GLI2: variants seen among roughly 807,000 people sequenced by gnomAD.
The protein encoded by GLI2 is GLI family zinc finger 2, also known as transcription activator GLI2.
A neutral mutation model predicts 78.9 loss-of-function variants in GLI2; 22 were observed. That is an observed-to-expected ratio of 0.28 (90% CI 0.20 to 0.40). The LOEUF is 0.40. Ranked by LOEUF, GLI2 falls within the 10% of genes least tolerant of loss-of-function variation. The pLI, the probability that GLI2 is intolerant of heterozygous loss-of-function variation, is 1.00. For missense variants in GLI2, 2,097 were observed against 2,213.2 expected (o/e 0.95, Z 1.05); for synonymous variants, 974 against 963.7 (o/e 1.01, Z -0.20).
At chr2:120,823,002 C>T (rs1685853771) in intron 2 of GLI2, among the ~76,000 whole-genome samples, 1 of 152,148 alleles carries the variant, frequency 6.6e-6, no homozygotes, top group South Asian at 2.1e-4. Context: ...GAGGAGACAC[C>T]TGGACAGGTG....
intron 1 of GLI2, 31 bp from the exon 2 acceptor site, chr2:120,797,260 T>C: frequency 6.4e-7 from 1 of 1,573,494 alleles, no homozygotes; most frequent in Non-Finnish European, 8.7e-7. Flanking sequence ...TTGGGCTCAG[T>C]GTTGGTGAGT....
Position 120,986,541 on chromosome 2 carries a change from C to G in GLI2, c.2169C>G (p.Leu723=). 6.2e-7 allele frequency: 1 copy of G among 1,614,158 alleles called. No homozygotes were observed. Residue 723 remains leucine (L), a synonymous_variant, in exon 13 of 14, where the codon CTC becomes CTG. Transcript: ENST00000361492. ...TCAAGAAGGAGAAGCTCAAGTCACT[C>G]AAGGATTCCTGCTCATGGGCCGGGC... The part of the protein sequence containing the change: ...EQLKKEKLKS[L]KDSCSWAGPT...
intron 2 of GLI2, among the ~76,000 whole-genome samples, chr2:120,846,140 G>C (rs1000382226): frequency 2.6e-5 from 4 of 152,166 alleles, no homozygotes; most frequent in African/African-American, 9.7e-5. Flanking sequence ...TCCCCCGTCA[G>C]TCATTCTGGT....
chr2:120,910,571 G>A (rs1050334596), intron 2 of GLI2, among the ~76,000 whole-genome samples: 1 of 152,182 alleles, frequency 6.6e-6, no homozygotes, highest in African/African-American at 2.4e-5. Context: ...ACCCGGGGTG[G>A]GCCCTTTGCC....
At chr2:120,811,670 C>G (rs1685247985) in intron 2 of GLI2, among the ~76,000 whole-genome samples, 1 of 152,020 alleles carries the variant, frequency 6.6e-6, no homozygotes, top group African/African-American at 2.4e-5. Context: ...CTGGGATGCC[C>G]TGAGAGGAAT....
chr2:120,989,406 A>G lies in GLI2; in HGVS notation c.3441A>G (p.Pro1147=), dbSNP rs773214928. The G allele has an allele frequency of 4.3e-6, 7 of 1,612,974 alleles. No individual in the cohort carries two copies. In the South Asian group the frequency reaches 7.7e-5, roughly 18 times the overall value. The stretch of plus-strand genomic sequence containing the variant: ...CCCTGGCCAGCCAGGTGAAGCCTCC[A>G]CCCTTTCCTCAGGGCAACCTGGCGG... ...VDALASQVKP[P]PFPQGNLAVV... Residue 1147 remains proline, a synonymous_variant, in exon 14 of 14, where the codon CCA becomes CCG. Coordinates refer to ENST00000361492, the MANE Select transcript of GLI2 (RefSeq NM_001374353.1).
At chr2:120,835,091 A>G (rs1024753455) in intron 2 of GLI2, among the ~76,000 whole-genome samples, 14 of 152,302 alleles carry the variant, frequency 9.2e-5, no homozygotes, top group Admixed American at 2.0e-4. Flanking sequence ...AAAAAAGACA[A>G]TCTCTCTGAG....
At chr2:120,741,907 G>A (rs910746124) in intron 1 of GLI2, among the ~76,000 whole-genome samples, 70 of 152,296 alleles carry the variant, frequency 4.6e-4, no homozygotes, top group African/African-American at 1.7e-3. Flanking sequence ...AAAGCCAACG[G>A]GCCAGGTCCC....
intron 1 of GLI2, among the ~76,000 whole-genome samples, chr2:120,756,824 A>G (rs886645512): frequency 6.6e-6 from 1 of 151,902 alleles, no homozygotes; most frequent in African/African-American, 2.4e-5. Flanking sequence ...TTTAGCTTTT[A>G]TGTCTTTAAA....
intron 2 of GLI2, among the ~76,000 whole-genome samples, chr2:120,921,312 TTGGGGC>T (rs1425270022): frequency 6.6e-6 from 1 of 151,776 alleles, no homozygotes; most frequent in African/African-American, 2.4e-5. Context: ...GCTCAGAGGA[TTGGGGC>T]TGGGGCTGGG....
chr2:120,927,194 T>C (rs1427627428), intron 2 of GLI2, among the ~76,000 whole-genome samples, 167 bp from the exon 3 acceptor site: 1 of 152,232 alleles, frequency 6.6e-6, no homozygotes, highest in Non-Finnish European at 1.5e-5. Flanking sequence ...AGACTTTGAT[T>C]ATTTATTCAT....
At position 120,990,999 on chromosome 2, in the gene GLI2, G is replaced by C; in HGVS notation, c.*324G>C. ...TTCACGGCTGACATTCGGCTAACGAGGGATTACTTTGGCCAAAACCTTTCA... is the reference window on the plus strand; with the variant it reads ...TTCACGGCTGACATTCGGCTAACGACGGATTACTTTGGCCAAAACCTTTCA... On this transcript the variant is annotated 3_prime_UTR_variant, in exon 14 of 14. Transcript: ENST00000361492. The C allele has an allele frequency of 3.2e-6, 1 of 312,072 alleles. No individual in the cohort carries two copies. Among genetic ancestry groups the C allele is most frequent in the Non-Finnish European group, 5.9e-6 (1 of 168,958 alleles). The allele number at this position is 312,072 out of a possible 1,614,324, so 19.3% of individuals were successfully genotyped here.
At chr2:120,977,733 G>A (rs1480905498) in intron 9 of GLI2, among the ~76,000 whole-genome samples, 4 of 152,290 alleles carry the variant, frequency 2.6e-5, no homozygotes, top group Middle Eastern at 3.4e-3. Context: ...GCCTGGGGCC[G>A]TTTTCTCCCA....
intron 4 of GLI2, among the ~76,000 whole-genome samples, chr2:120,953,219 G>A (rs1028120043): frequency 1.3e-5 from 2 of 152,238 alleles, no homozygotes; most frequent in Non-Finnish European, 2.9e-5. Context: ...GAGACACACT[G>A]AGAAGGCAGA....
rs149445260 is a variant in GLI2 at position 120,809,842 on chromosome 2, T to G, written c.148+12374T>G. 4.8e-3 allele frequency among the ~76,000 whole-genome samples: 727 copies of G among 152,032 alleles called. 3 individuals are homozygous for G. Among genetic ancestry groups the G allele is most frequent in the African/African-American group, 0.016 (677 of 41,474 alleles). ...GGTGCGAGTTTGGAGGGGAGCTGAGTAAATCACCGAGAAAGAGCACCAGCC... is the reference window on the plus strand; with the variant it reads ...GGTGCGAGTTTGGAGGGGAGCTGAGGAAATCACCGAGAAAGAGCACCAGCC... On this transcript the variant is annotated intron_variant, in intron 2 of 13. Transcript: ENST00000361492.
At chr2:120,740,107 T>TA (rs34152694) in intron 1 of GLI2, among the ~76,000 whole-genome samples, 7,816 of 151,030 alleles carry the variant, frequency 0.052, 273 homozygotes, top group Non-Finnish European at 0.078. Context: ...TATCAAGAAT[T>TA]AAAAAAAAAA....
At chr2:120,927,213 G>A (rs887453265) in intron 2 of GLI2, 148 bp from the exon 3 acceptor site, 31 of 741,892 alleles carry the variant, frequency 4.2e-5, no homozygotes, top group Non-Finnish European at 7.0e-5. Context: ...ATCCCCCTTC[G>A]TGGGTGTGTG....
intron 1 of GLI2, among the ~76,000 whole-genome samples, chr2:120,793,098 T>C (rs560371950): frequency 6.6e-6 from 1 of 152,378 alleles, no homozygotes; most frequent in East Asian, 1.9e-4. Flanking sequence ...GAAATGCTCC[T>C]GAAGCATCTT....
At chr2:120,913,639 C>G (rs1678943267) in intron 2 of GLI2, among the ~76,000 whole-genome samples, 1 of 152,070 alleles carries the variant, frequency 6.6e-6, no homozygotes, top group African/African-American at 2.4e-5. Flanking sequence ...CAAGAGGCTC[C>G]CAGAAAGTGG....
Sources: gnomAD v4.1 joint callset for allele counts (sites outside exome capture counted in the v4.1 genomes callset) on GRCh38, gnomAD v4.1.1 for gene constraint, MANE v1.5 for transcripts, NCBI Gene and HGNC (gene_info 2026-07-23, HGNC 2026-07-21) for gene names.